The following DMD variants were observed in gnomAD, a reference collection of about 807,000 sequenced individuals.
The protein encoded by DMD is dystrophin.
Under a neutral mutation model 330.1 loss-of-function variants are expected in DMD, and 63 were observed. The ratio of observed to expected loss-of-function variants is 0.19; its 90% CI spans 0.16 to 0.24. The LOEUF is 0.24. Among genes scored for constraint, DMD ranks in the 10% least tolerant of loss-of-function variants. DMD has a pLI of 1.00. For synonymous variants in DMD, 1,223 were observed against 959.8 expected, an observed-to-expected ratio of 1.27 and a Z score of -5.07; for missense variants, 3,344 against 2,684.1, an observed-to-expected ratio of 1.25 and a Z score of -5.43.
At chrX:32,619,232 T>C (rs138575669) in intron 11 of DMD, among the ~76,000 whole-genome samples, 122 of 111,672 alleles carry the variant, frequency 1.1e-3, no homozygotes, top group African/African-American at 3.8e-3. Flanking sequence ...ACTGCCTAAT[T>C]TCACTTATAT....
intron 55 of DMD, among the ~76,000 whole-genome samples, chrX:31,590,927 G>A (rs2076840134): frequency 9.0e-6 from 1 of 111,202 alleles, no homozygotes; most frequent in Non-Finnish European, 1.9e-5. Flanking sequence ...ATCAGTGAAG[G>A]GCCGGAAGTT....
chrX:32,607,208 A>C (rs1371934033), intron 12 of DMD, among the ~76,000 whole-genome samples: 3 of 110,342 alleles, frequency 2.7e-5, no homozygotes, highest in African/African-American at 9.8e-5. Flanking sequence ...CAGCTTGTAC[A>C]GTGCTTAGAT....
At chrX:32,475,264 A>T (rs2041110636) in intron 21 of DMD, among the ~76,000 whole-genome samples, 1 of 111,584 alleles carries the variant, frequency 9.0e-6, no homozygotes. Flanking sequence ...ATGGCCTTAT[A>T]GTATAGTTTG....
Position 32,348,630 on chromosome X carries a change from A to G in DMD, c.5326-102T>C, listed in dbSNP as rs145227613. The G allele has an allele frequency of 1.2e-3, 858 of 733,608 alleles. 16 individuals carry two copies. In the East Asian group the frequency reaches 0.028, roughly 24 times the overall value. The allele number at this position is 733,608 out of a possible 1,213,427, so 60.5% of individuals were successfully genotyped here. On this transcript the variant is annotated intron_variant, in intron 37 of 78. Coordinates refer to ENST00000357033, the MANE Select transcript of DMD (RefSeq NM_004006.3). ...TCAACCTCCTGTTGCTAAACTAATC[A>G]CATGCATTATGTTTCCATATTATGT...
At chrX:33,246,888 G>C (rs188102759) in intron 1 of DMD, among the ~76,000 whole-genome samples, 1 of 110,010 alleles carries the variant, frequency 9.1e-6, no homozygotes, top group Non-Finnish European at 1.9e-5. Context: ...GCTTCACCAT[G>C]CTTGTCAGGC....
intron 59 of DMD, among the ~76,000 whole-genome samples, chrX:31,474,452 T>C (rs2067571452): frequency 9.2e-6 from 1 of 109,262 alleles, no homozygotes; most frequent in Non-Finnish European, 1.9e-5. Flanking sequence ...AGTGCTGTAA[T>C]CCACTTTGGG....
intron 1 of DMD, among the ~76,000 whole-genome samples, chrX:33,073,118 T>C (rs1458546164): frequency 5.4e-5 from 6 of 112,027 alleles, no homozygotes; most frequent in Non-Finnish European, 1.1e-4. Flanking sequence ...ATCTACTGAA[T>C]AAAAAAGTAA....
intron 53 of DMD, among the ~76,000 whole-genome samples, chrX:31,668,675 T>C (rs1431015507): frequency 1.8e-5 from 2 of 111,199 alleles, no homozygotes; most frequent in Admixed American, 1.9e-4. Flanking sequence ...TTATTAACTA[T>C]GGTCACCAGG....
intron 1 of DMD, among the ~76,000 whole-genome samples, chrX:33,021,750 T>G (rs1179581786): frequency 8.9e-6 from 1 of 111,938 alleles, no homozygotes; most frequent in Non-Finnish European, 1.9e-5. Context: ...AAAATACATT[T>G]TTCTTATTTA....
At chrX:32,243,631 G>T (rs749274297) in intron 43 of DMD, among the ~76,000 whole-genome samples, 2 of 111,687 alleles carry the variant, frequency 1.8e-5, no homozygotes, top group African/African-American at 3.2e-5. Flanking sequence ...AAAGAATTAG[G>T]TAGTGATGAC....
intron 7 of DMD, among the ~76,000 whole-genome samples, chrX:32,707,517 T>A (rs2064787181): frequency 8.9e-6 from 1 of 111,761 alleles, no homozygotes; most frequent in Admixed American, 9.5e-5. Context: ...AAATAAGACG[T>A]GTTTCAGTTG....
chrX:32,316,415 C>T (rs724271), intron 41 of DMD, among the ~76,000 whole-genome samples: 51,415 of 109,567 alleles, frequency 0.47, 10,617 homozygotes, highest in South Asian at 0.73. Flanking sequence ...TTCAGCTATA[C>T]GTTATAAAGT....
At chrX:31,739,858 ACCTC>A (rs2087183260) in intron 51 of DMD, among the ~76,000 whole-genome samples, 1 of 100,773 alleles carries the variant, frequency 9.9e-6, no homozygotes, top group African/African-American at 3.6e-5. Flanking sequence ...AAAAAAAAAA[ACCTC>A]TTAAGCCTAC....
At chrX:32,110,406 C>T (rs1472576520) in intron 44 of DMD, among the ~76,000 whole-genome samples, 1 of 111,904 alleles carries the variant, frequency 8.9e-6, no homozygotes, top group African/African-American at 3.2e-5. Context: ...AGATTCCCCA[C>T]TTAAATCCAA....
intron 16 of DMD, among the ~76,000 whole-genome samples, chrX:32,554,903 A>G (rs1034667114): frequency 2.7e-5 from 1 of 36,758 alleles, no homozygotes. Context: ...GAAAGAAAGA[A>G]AGAAAGAAAG....
chrX:31,682,664 A>G (rs748134186), intron 52 of DMD, among the ~76,000 whole-genome samples: 3 of 112,265 alleles, frequency 2.7e-5, no homozygotes, highest in Non-Finnish European at 3.8e-5. Flanking sequence ...GTATTTGAAA[A>G]TAATACAGTT....
intron 1 of DMD, among the ~76,000 whole-genome samples, chrX:33,163,498 G>A (rs896558346): frequency 9.3e-6 from 1 of 106,995 alleles, no homozygotes; most frequent in African/African-American, 3.4e-5. Flanking sequence ...ATCGTGCCAC[G>A]GCACTCCAGC....
chrX:31,780,964 A>C (rs1240474766), intron 50 of DMD, among the ~76,000 whole-genome samples: 1 of 112,071 alleles, frequency 8.9e-6, no homozygotes, highest in Non-Finnish European at 1.9e-5. Context: ...AAAAATGTTA[A>C]GTTTGGGAGC....
chrX:32,151,511 G>A (rs964749998), intron 44 of DMD: 1 of 111,544 alleles, frequency 9.0e-6, no homozygotes, highest in Non-Finnish European at 1.9e-5. Context: ...TATACAGTCA[G>A]ACCATGAAAC....
Sources: gnomAD v4.1 joint callset for allele counts (sites outside exome capture counted in the v4.1 genomes callset) on GRCh38, gnomAD v4.1.1 for gene constraint, MANE v1.5 for transcripts, NCBI Gene and HGNC (gene_info 2026-07-23, HGNC 2026-07-21) for gene names.